GALNT7: variants seen among roughly 807,000 people sequenced by gnomAD.
GALNT7 encodes N-acetylgalactosaminyltransferase 7.
GALNT7 carries 60 observed loss-of-function variants against 82.1 expected under a neutral mutation model. The observed-to-expected ratio is 0.73, with a 90% confidence interval of 0.59 to 0.91. GALNT7 has a LOEUF of 0.91. GALNT7 is among the 40% of genes least tolerant of loss of function. GALNT7 has a pLI of 0.00. For synonymous variants in GALNT7, 243 were observed against 275.1 expected (o/e 0.88, Z 1.15); for missense variants, 660 against 804.2 (o/e 0.82, Z 2.17).
intron 1 of GALNT7, among the ~76,000 whole-genome samples, chr4:173,238,942 T>C (rs1453550255): frequency 2.0e-5 from 3 of 152,218 alleles, no homozygotes; most frequent in Non-Finnish European, 4.4e-5. Flanking sequence ...ATTTTTCTGT[T>C]GCAAAAATTA....
chr4:173,224,094 C>G (rs918490247), intron 1 of GALNT7, among the ~76,000 whole-genome samples: 5 of 152,058 alleles, frequency 3.3e-5, no homozygotes, highest in African/African-American at 1.2e-4. Context: ...TAAAGGAAAC[C>G]ATCCTTTTGT....
At chr4:173,282,000 G>A (rs1561188003) in intron 2 of GALNT7, among the ~76,000 whole-genome samples, 2 of 152,200 alleles carry the variant, frequency 1.3e-5, no homozygotes, top group Non-Finnish European at 2.9e-5. Flanking sequence ...GGGGTGGAGT[G>A]AAAGTTTAAT....
chr4:173,225,542 G>A (rs1054280423), intron 1 of GALNT7, among the ~76,000 whole-genome samples: 5 of 152,126 alleles, frequency 3.3e-5, no homozygotes, highest in Admixed American at 3.3e-4. Flanking sequence ...AGCATTTATT[G>A]CATATTTAGC....
At chr4:173,180,943 C>T (rs1284975425) in intron 1 of GALNT7, among the ~76,000 whole-genome samples, 2 of 152,174 alleles carry the variant, frequency 1.3e-5, no homozygotes, top group African/African-American at 2.4e-5. Flanking sequence ...CAGAGTTTTA[C>T]ATCTTCGTTT....
Position 173,268,760 on chromosome 4 carries a change from C to A in GALNT7, c.587+20320C>A, listed in dbSNP as rs181304740. Among the ~76,000 whole-genome samples, 549 of 151,010 alleles carry A rather than the reference C, an allele frequency of 3.6e-3. 3 individuals are homozygous for A. The highest frequency in any genetic ancestry group is 0.013 in the African/African-American group (527 of 41,154). ...TTCACCGTGTTAGCCAGGATGGTCT[C>A]AATCTCCTGACCTCTTGATCCGCCC... On this transcript the variant is annotated intron_variant, in intron 2 of 11. Coordinates refer to ENST00000265000, the MANE Select transcript of GALNT7 (RefSeq NM_017423.3).
intron 2 of GALNT7, among the ~76,000 whole-genome samples, chr4:173,279,605 C>G (rs1736038480): frequency 6.6e-6 from 1 of 152,122 alleles, no homozygotes; most frequent in Non-Finnish European, 1.5e-5. Flanking sequence ...AAGCATTTTT[C>G]CACTTCCTTT....
intron 2 of GALNT7, among the ~76,000 whole-genome samples, chr4:173,258,637 C>T (rs528399249): frequency 4.9e-4 from 75 of 152,280 alleles, no homozygotes; most frequent in African/African-American, 1.6e-3. Context: ...GTGCTTATAA[C>T]CATACTGAGA....
chr4:173,295,304 C>A, intron 3 of GALNT7, 92 bp from the exon 4 acceptor site: 1 of 826,960 alleles, frequency 1.2e-6, no homozygotes, highest in Non-Finnish European at 2.0e-6. Flanking sequence ...ACTGTCTACC[C>A]AATGCACCTG....
chr4:173,248,002 C>G lies in GALNT7; in HGVS notation c.149C>G (p.Pro50Arg), dbSNP rs112248110. Reference sequence around the variant, plus strand: ...TAGGAAGACAGAGATGTCAATGACCCCATGCCCAACCGAGGCGGCAATGGA... The same window carrying G: ...TAGGAAGACAGAGATGTCAATGACCGCATGCCCAACCGAGGCGGCAATGGA... ...RMREDRDVND[P>R]MPNRGGNGLA... Residue 50 changes from proline (P) to arginine (R), a missense_variant, in exon 2 of 12, where the codon CCC becomes CGC. Transcript: ENST00000265000. 1.2e-6 allele frequency: 2 copies of G among 1,612,510 alleles called. No homozygotes were observed. The highest frequency in any genetic ancestry group is 3.3e-5 in the Admixed American group (2 of 59,938).
chr4:173,226,944 G>A (rs1321558005), intron 1 of GALNT7, among the ~76,000 whole-genome samples: 1 of 152,132 alleles, frequency 6.6e-6, no homozygotes, highest in African/African-American at 2.4e-5. Flanking sequence ...AATCATTTCT[G>A]AGTATGTTGA....
chr4:173,208,194 T>C (rs1423495008), intron 1 of GALNT7, among the ~76,000 whole-genome samples: 2 of 152,178 alleles, frequency 1.3e-5, no homozygotes, highest in African/African-American at 4.8e-5. Context: ...TTATTCAAGG[T>C]TACAAAAGAT....
chr4:173,203,462 A>C (rs1733002825), intron 1 of GALNT7, among the ~76,000 whole-genome samples: 1 of 152,222 alleles, frequency 6.6e-6, no homozygotes, highest in South Asian at 2.1e-4. Context: ...TTACATTCAA[A>C]GTAATTATTG....
rs1736977741 is a variant in GALNT7, at chr4:173,302,434, C to A, written c.1266+270C>A. On this transcript the variant is annotated intron_variant, in intron 7 of 11. Transcript: ENST00000265000. The surrounding 1 kb of genome is among the most constrained non-coding windows in gnomAD (Gnocchi z 4.2). ...GAAAATATCTACCCCCACACCCCAA[C>A]TTTCTATATATTGGAGCTTTTTATT... Among the ~76,000 whole-genome samples the A allele has an allele frequency of 6.6e-6, 1 of 152,180 alleles. No homozygotes were observed. The highest frequency in any genetic ancestry group is 2.4e-5 in the African/African-American group (1 of 41,440).
intron 8 of GALNT7, among the ~76,000 whole-genome samples, chr4:173,312,946 C>T (rs1420262752): frequency 6.6e-6 from 1 of 152,116 alleles, no homozygotes; most frequent in Non-Finnish European, 1.5e-5. Flanking sequence ...GTAATACCAG[C>T]TACTCAGGAG....
intron 1 of GALNT7, among the ~76,000 whole-genome samples, chr4:173,219,435 G>A (rs1339041900): frequency 1.3e-5 from 2 of 152,084 alleles, no homozygotes; most frequent in Non-Finnish European, 2.9e-5. Context: ...TTGCAATTGC[G>A]AATTGTGCTG....
At position 173,182,749 on chromosome 4, in the gene GALNT7, AC is replaced by A. The variant is rs1437454609; in HGVS notation, c.126+13789del. Among the ~76,000 whole-genome samples, 140 of 150,008 alleles carry A rather than the reference AC, an allele frequency of 9.3e-4. 4 individuals are homozygous for A. In the East Asian group the frequency reaches 0.025, roughly 26 times the overall value. On this transcript the variant is annotated intron_variant, in intron 1 of 11. Coordinates refer to ENST00000265000, the MANE Select transcript of GALNT7 (RefSeq NM_017423.3). Reference sequence around the variant, plus strand: ...CAGGTTACTCTTAATACACACACACACACACACACACACACAGACACAACAG... The same window carrying A: ...CAGGTTACTCTTAATACACACACACAACACACACACACACAGACACAACAG...
intron 2 of GALNT7, among the ~76,000 whole-genome samples, chr4:173,277,468 G>T (rs1222753646): frequency 6.6e-6 from 1 of 152,182 alleles, no homozygotes; most frequent in Non-Finnish European, 1.5e-5. Flanking sequence ...AGTTCCAGAA[G>T]CTCAGAGTTT....
rs371875809 is a variant in GALNT7 at position 173,198,289 on chromosome 4, C to T, written c.126+29328C>T. ...TTCACCGTGTTAGCCAGGATAGTCT[C>T]GATCTCCTGACCTCATGATCCGCCT... On this transcript the variant is annotated intron_variant, in intron 1 of 11. Coordinates refer to ENST00000265000, the MANE Select transcript of GALNT7 (RefSeq NM_017423.3). 3.0e-4 allele frequency among the ~76,000 whole-genome samples: 45 copies of T among 148,612 alleles called. 1 individual carries two copies. In the East Asian group the frequency reaches 5.4e-3, roughly 18 times the overall value.
intron 1 of GALNT7, among the ~76,000 whole-genome samples, chr4:173,199,269 G>T (rs1379727380): frequency 1.3e-5 from 2 of 152,150 alleles, no homozygotes; most frequent in Non-Finnish European, 2.9e-5. Flanking sequence ...GCATGTTGTA[G>T]TGGCTGAGGT....
Sources: gnomAD v4.1 joint callset for allele counts (sites outside exome capture counted in the v4.1 genomes callset) on GRCh38, gnomAD v4.1.1 for gene constraint, Gnocchi (gnomAD v3.1) non-coding constraint, MANE v1.5 for transcripts, NCBI Gene and HGNC (gene_info 2026-07-23, HGNC 2026-07-21) for gene names.